Variants in MAGI3 observed in about 807,000 individuals in gnomAD.
MAGI3 encodes membrane-associated guanylate kinase, WW and PDZ domain-containing protein 3.
MAGI3 carries 43 observed loss-of-function variants against 121.8 expected under a neutral mutation model. That is an observed-to-expected ratio of 0.35 (90% CI 0.28 to 0.46). The LOEUF (loss-of-function observed/expected upper bound fraction) is 0.46. Ranked by LOEUF, MAGI3 falls within the 20% of genes least tolerant of loss-of-function variation. The pLI, the probability that MAGI3 is intolerant of heterozygous loss-of-function variation, is 1.00. For missense variants in MAGI3, 1,547 were observed against 1,797.3 expected (o/e 0.86, Z 2.52); for synonymous variants, 553 against 639.3 (o/e 0.86, Z 2.04).
At chr1:113,644,292 A>G (rs1442598247) in intron 11 of MAGI3, among the ~76,000 whole-genome samples, 1 of 151,592 alleles carries the variant, frequency 6.6e-6, no homozygotes, top group Non-Finnish European at 1.5e-5. Context: ...TTATTTATTT[A>G]TTTTTTGAGA....
intron 1 of MAGI3, among the ~76,000 whole-genome samples, chr1:113,393,537 A>G (rs1447146484): frequency 1.3e-5 from 2 of 152,174 alleles, no homozygotes; most frequent in East Asian, 3.8e-4. Flanking sequence ...CATGTTAGGT[A>G]TTATATTAAA....
intron 1 of MAGI3, chr1:113,449,696 C>T: frequency 1.2e-6 from 1 of 837,906 alleles, no homozygotes; most frequent in Non-Finnish European, 2.1e-6. Flanking sequence ...AGTCTGGTCT[C>T]AAAATGGAGG....
chr1:113,472,035 T>C (rs1026331035), intron 1 of MAGI3, among the ~76,000 whole-genome samples: 1 of 152,230 alleles, frequency 6.6e-6, no homozygotes, highest in Non-Finnish European at 1.5e-5. Context: ...GACTTTTGTC[T>C]CTTGTGATAG....
intron 1 of MAGI3, among the ~76,000 whole-genome samples, chr1:113,453,242 AT>A: frequency 6.6e-6 from 1 of 152,318 alleles, no homozygotes; most frequent in East Asian, 1.9e-4. Context: ...CTTAAAGCAT[AT>A]ACTGACTGGA....
At chr1:113,594,775 C>T (rs1258317882) in intron 6 of MAGI3, among the ~76,000 whole-genome samples, 1 of 152,138 alleles carries the variant, frequency 6.6e-6, no homozygotes, top group Non-Finnish European at 1.5e-5. Context: ...TTACATAACT[C>T]TCTATAAAAA....
intron 7 of MAGI3, among the ~76,000 whole-genome samples, chr1:113,619,021 G>A (rs550252982): frequency 4.6e-5 from 7 of 152,278 alleles, no homozygotes; most frequent in Admixed American, 2.0e-4. Flanking sequence ...CGCCCATAGC[G>A]TGTTGAATAG....
At chr1:113,424,468 G>A (rs1269417759) in intron 1 of MAGI3, among the ~76,000 whole-genome samples, 2 of 151,942 alleles carry the variant, frequency 1.3e-5, no homozygotes, top group Non-Finnish European at 2.9e-5. Context: ...GCAAAAACAA[G>A]AGCAGTCCAG....
intron 6 of MAGI3, among the ~76,000 whole-genome samples, chr1:113,602,971 T>C (rs1009303032): frequency 2.6e-5 from 4 of 151,670 alleles, no homozygotes; most frequent in Non-Finnish European, 5.9e-5. Context: ...TGTATACACA[T>C]ATATATATAT....
At chr1:113,475,092 C>A (rs1655746237) in intron 1 of MAGI3, among the ~76,000 whole-genome samples, 1 of 152,094 alleles carries the variant, frequency 6.6e-6, no homozygotes, top group South Asian at 2.1e-4. Flanking sequence ...GATTTTGTAT[C>A]CTGAGACTTT....
At chr1:113,447,770 C>G in intron 1 of MAGI3, among the ~76,000 whole-genome samples, 1 of 151,984 alleles carries the variant, frequency 6.6e-6, no homozygotes, top group Non-Finnish European at 1.5e-5. Context: ...AGGAAAATTG[C>G]TTGAATCTGG....
intron 16 of MAGI3, among the ~76,000 whole-genome samples, chr1:113,670,106 CTGG>C (rs1647449509): frequency 6.6e-6 from 1 of 150,680 alleles, no homozygotes; most frequent in Non-Finnish European, 1.5e-5. Context: ...TGGGTAAGTT[CTGG>C]TCCAGAGGTT....
chr1:113,421,873 T>C (rs989741021), intron 1 of MAGI3, among the ~76,000 whole-genome samples: 3 of 152,102 alleles, frequency 2.0e-5, no homozygotes, highest in Non-Finnish European at 2.9e-5. Context: ...TTTTTTTTTT[T>C]CAATCTATAT....
chr1:113,602,894 C>T (rs1450327981), intron 6 of MAGI3, among the ~76,000 whole-genome samples: 3 of 151,708 alleles, frequency 2.0e-5, no homozygotes, highest in Non-Finnish European at 4.4e-5. Flanking sequence ...TCCCACTGCA[C>T]TCCAGTCTGC....
chr1:113,582,727 A>G (rs1557835420), intron 3 of MAGI3, among the ~76,000 whole-genome samples: 1 of 151,994 alleles, frequency 6.6e-6, no homozygotes, highest in Admixed American at 6.6e-5. Flanking sequence ...GGGAGTGGCT[A>G]TAGGGACAGG....
At chr1:113,550,321 C>G (rs1659721241) in intron 2 of MAGI3, among the ~76,000 whole-genome samples, 6 of 151,200 alleles carry the variant, frequency 4.0e-5, no homozygotes, top group Admixed American at 4.0e-4. Flanking sequence ...GAGGCTGAGG[C>G]AGGAGAATAG....
At chr1:113,638,607 G>GT (rs1047423590) in intron 9 of MAGI3, among the ~76,000 whole-genome samples, 2 of 152,232 alleles carry the variant, frequency 1.3e-5, no homozygotes, top group Middle Eastern at 3.2e-3. Context: ...TCTCAGAGGA[G>GT]TACCCGGTCA....
At chr1:113,647,528 T>C (rs551570497) in intron 12 of MAGI3, among the ~76,000 whole-genome samples, 17 of 152,298 alleles carry the variant, frequency 1.1e-4, no homozygotes, top group Admixed American at 5.9e-4. Flanking sequence ...AGGCAGAAAT[T>C]CATGCATGTT....
rs1553219225 is a variant in MAGI3, at chr1:113,685,908, A to AT, written c.*1895dup. 1 of 152,212 alleles carries AT rather than the reference A, an allele frequency of 6.6e-6. No individual in the cohort carries two copies. The highest frequency in any genetic ancestry group is 1.5e-5 in the Non-Finnish European group (1 of 68,018). The allele number at this position is 152,212 out of a possible 1,614,324, so 9.4% of individuals were successfully genotyped here. ...AAATTGCTCATTATTTTTTATATAG[A>AT]TATTTAAAAAAAACAGTTTATGGCC... On this transcript the variant is annotated 3_prime_UTR_variant, in exon 21 of 21. Coordinates refer to ENST00000307546, the MANE Select transcript of MAGI3 (RefSeq NM_001142782.2).
In MAGI3 at chr1:113,681,151, A is replaced by G. The variant is rs375736287; in HGVS notation, c.3190-47A>G. 1.1e-4 allele frequency: 172 copies of G among 1,585,916 alleles called. 1 individual carries two copies. In the African/African-American group the frequency reaches 2.2e-3, roughly 20 times the overall value. The stretch of plus-strand genomic sequence containing the variant: ...AAGAGCTGACAAAAGCAGAATTTAC[A>G]AAGGATGCATAGTTTCATGTTGTTC... On this transcript the variant is annotated intron_variant, in intron 19 of 20. Transcript: ENST00000307546.
Sources: gnomAD v4.1 joint callset for allele counts (sites outside exome capture counted in the v4.1 genomes callset) on GRCh38, gnomAD v4.1.1 for gene constraint, MANE v1.5 for transcripts, NCBI Gene and HGNC (gene_info 2026-07-23, HGNC 2026-07-21) for gene names.